RELN: variants seen among roughly 807,000 people sequenced by gnomAD.
RELN encodes the protein reelin.
In RELN, 108 loss-of-function variants were observed where a neutral mutation model predicts 427.6. The observed-to-expected ratio is 0.25, with a 90% confidence interval of 0.22 to 0.30. RELN has a LOEUF of 0.30. RELN is among the 10% of genes least tolerant of loss of function. The pLI, the probability that RELN is intolerant of heterozygous loss-of-function variation, is 1.00. For synonymous variants in RELN, 1,524 were observed against 1,513.4 expected (o/e 1.01, Z -0.16); for missense variants, 3,715 against 4,302.8 (o/e 0.86, Z 3.82).
rs186423192 is a variant in RELN at position 103,746,900 on chromosome 7, C to A, written c.656+2526G>T. ...AACTAGAAATACCATTTGACCCAGC[C>A]ATCCCATTACTGGGTATATACCCAA... On this transcript the variant is annotated intron_variant, in intron 6 of 64. Coordinates refer to ENST00000428762, the MANE Select transcript of RELN (RefSeq NM_005045.4). Among the ~76,000 whole-genome samples the A allele has an allele frequency of 9.9e-5, 15 of 152,130 alleles. 1 individual carries two copies. The East Asian group carries it at 2.5e-3, about 26-fold the overall frequency.
intron 3 of RELN, among the ~76,000 whole-genome samples, chr7:103,831,094 A>G (rs1191791813): frequency 6.6e-6 from 1 of 152,174 alleles, no homozygotes; most frequent in Non-Finnish European, 1.5e-5. Context: ...GCTATCAAAT[A>G]TCATTCTTAA....
chr7:103,950,578 C>A (rs1003809339), intron 1 of RELN, among the ~76,000 whole-genome samples: 9 of 152,040 alleles, frequency 5.9e-5, no homozygotes, highest in Non-Finnish European at 1.3e-4. Context: ...AGATAAATAC[C>A]AAACACTTCA....
At chr7:103,538,247 A>G (rs1327611777) in intron 45 of RELN, among the ~76,000 whole-genome samples, 1 of 152,104 alleles carries the variant, frequency 6.6e-6, no homozygotes, top group Non-Finnish European at 1.5e-5. Context: ...AAATTCCTCA[A>G]ATTTCTGCCT....
intron 11 of RELN, among the ~76,000 whole-genome samples, chr7:103,677,880 T>A (rs1238363815): frequency 6.8e-6 from 1 of 147,352 alleles, no homozygotes; most frequent in Admixed American, 6.8e-5. Context: ...CCTGGAGCAA[T>A]AATGAGACGC....
intron 2 of RELN, among the ~76,000 whole-genome samples, chr7:103,851,322 T>C (rs550003077): frequency 2.0e-5 from 3 of 152,102 alleles, no homozygotes; most frequent in Non-Finnish European, 4.4e-5. Flanking sequence ...CAATGGACTT[T>C]GGGGACTTGG....
At chr7:103,634,238 A>G (rs1298500673) in intron 19 of RELN, among the ~76,000 whole-genome samples, 3 of 151,966 alleles carry the variant, frequency 2.0e-5, no homozygotes, top group Non-Finnish European at 4.4e-5. Context: ...TGTCTTTCTC[A>G]TCTCCTCATG....
chr7:103,810,596 A>C (rs531818158), intron 3 of RELN, among the ~76,000 whole-genome samples: 1 of 152,298 alleles, frequency 6.6e-6, no homozygotes, highest in South Asian at 2.1e-4. Flanking sequence ...CAACCTGGCA[A>C]TCTCGCTATT....
At chr7:103,684,628 T>C (rs906497896) in intron 10 of RELN, among the ~76,000 whole-genome samples, 1 of 152,166 alleles carries the variant, frequency 6.6e-6, no homozygotes, top group Non-Finnish European at 1.5e-5. Flanking sequence ...TGAAATATTT[T>C]CTCTATTTAA....
chr7:103,698,216 T>C (rs1270620882), intron 9 of RELN, 123 bp from the exon 10 acceptor site: 12 of 1,206,314 alleles, frequency 9.9e-6, no homozygotes, highest in Non-Finnish European at 1.3e-5. Flanking sequence ...ACAGATAAAA[T>C]AGCTACAATC....
chr7:103,740,089 T>C (rs149394225), intron 6 of RELN, among the ~76,000 whole-genome samples: 86 of 152,248 alleles, frequency 5.6e-4, no homozygotes, highest in African/African-American at 1.6e-3. Context: ...TCATTCTACC[T>C]TCTACCTTTG....
chr7:103,739,540 A>G (rs565939155), intron 6 of RELN, among the ~76,000 whole-genome samples: 1 of 152,350 alleles, frequency 6.6e-6, no homozygotes, highest in South Asian at 2.1e-4. Context: ...TCAATGGCAC[A>G]TTGGAATTGA....
chr7:103,765,686 G>C (rs1312291639), intron 4 of RELN, among the ~76,000 whole-genome samples: 1 of 152,086 alleles, frequency 6.6e-6, no homozygotes, highest in Non-Finnish European at 1.5e-5. Flanking sequence ...ATCCAAACTT[G>C]GTCTTTGTCC....
chr7:103,606,398 C>G (rs1165435006), intron 22 of RELN, among the ~76,000 whole-genome samples: 1 of 152,096 alleles, frequency 6.6e-6, no homozygotes, highest in African/African-American at 2.4e-5. Flanking sequence ...GGGGACAAGG[C>G]CCCCAGGACC....
chr7:103,955,702 A>G (rs1377947264), intron 1 of RELN, among the ~76,000 whole-genome samples: 2 of 152,174 alleles, frequency 1.3e-5, no homozygotes, highest in Admixed American at 1.3e-4. Flanking sequence ...TCTACATGTA[A>G]AACACTTTGG....
chr7:103,707,858 A>G (rs981862549), intron 8 of RELN, among the ~76,000 whole-genome samples: 2 of 152,196 alleles, frequency 1.3e-5, no homozygotes, highest in Non-Finnish European at 1.5e-5. Context: ...AAACAAAAAA[A>G]CTATTTCTAA....
chr7:103,711,059 A>T (rs1040872492), intron 8 of RELN, among the ~76,000 whole-genome samples: 22 of 149,100 alleles, frequency 1.5e-4, no homozygotes, highest in African/African-American at 5.2e-4. Flanking sequence ...AAATTTTTTT[A>T]AATAAATAAA....
intron 6 of RELN, among the ~76,000 whole-genome samples, chr7:103,729,555 A>G (rs1790300852): frequency 6.6e-6 from 1 of 152,188 alleles, no homozygotes; most frequent in Non-Finnish European, 1.5e-5. Context: ...ACAGAATTTG[A>G]AATGTTAGTA....
intron 10 of RELN, among the ~76,000 whole-genome samples, chr7:103,694,634 G>A (rs1009302227): frequency 3.3e-5 from 5 of 151,920 alleles, no homozygotes; most frequent in South Asian, 2.1e-4. Flanking sequence ...AAATTTTTCC[G>A]TAAATAGCTC....
At chr7:103,532,515 T>C (rs1033536383) in intron 46 of RELN, among the ~76,000 whole-genome samples, 1 of 152,166 alleles carries the variant, frequency 6.6e-6, no homozygotes, top group Non-Finnish European at 1.5e-5. Context: ...TGTCTCCCTA[T>C]TGCCAAACAC....
Sources: gnomAD v4.1 joint callset for allele counts (sites outside exome capture counted in the v4.1 genomes callset) on GRCh38, gnomAD v4.1.1 for gene constraint, MANE v1.5 for transcripts, NCBI Gene and HGNC (gene_info 2026-07-23, HGNC 2026-07-21) for gene names.